The following PITPNM3 variants were observed in gnomAD, a reference collection of about 807,000 sequenced individuals.
PITPNM3 encodes the protein membrane-associated phosphatidylinositol transfer protein 3.
In PITPNM3, 26 loss-of-function variants were observed where a neutral mutation model predicts 102.0. That is an observed-to-expected ratio of 0.25 (90% CI 0.19 to 0.35). The LOEUF is 0.35. PITPNM3 is among the 10% of genes least tolerant of loss of function. PITPNM3 has a pLI of 1.00. For missense variants in PITPNM3, 1,083 were observed against 1,346.1 expected, an observed-to-expected ratio of 0.80 and a Z score of 3.06; for synonymous variants, 578 against 558.6, an observed-to-expected ratio of 1.03 and a Z score of -0.49.
At chr17:6,524,078 G>C (rs1170758397) in intron 3 of PITPNM3, among the ~76,000 whole-genome samples, 1 of 152,240 alleles carries the variant, frequency 6.6e-6, no homozygotes. Flanking sequence ...TTCTCAGGAT[G>C]AGTGCTTTGG....
intron 4 of PITPNM3, among the ~76,000 whole-genome samples, chr17:6,485,852 T>G (rs1168962034): frequency 2.6e-5 from 4 of 152,278 alleles, no homozygotes; most frequent in Non-Finnish European, 5.9e-5. Context: ...TGCCTGTTTT[T>G]GTAAATAAAG....
chr17:6,479,287 C>G (rs985815536), intron 6 of PITPNM3: 1 of 154,270 alleles, frequency 6.5e-6, no homozygotes, highest in Non-Finnish European at 1.4e-5. Context: ...AAGATCAGAG[C>G]TTTCATCAGC....
At chr17:6,476,200 A>C (rs1189904342) in intron 9 of PITPNM3, among the ~76,000 whole-genome samples, 1 of 152,204 alleles carries the variant, frequency 6.6e-6, no homozygotes, top group Non-Finnish European at 1.5e-5. Flanking sequence ...TGTAGAAGGA[A>C]ACAGTCTCTA....
chr17:6,490,071 C>T (rs1476824094), intron 4 of PITPNM3, among the ~76,000 whole-genome samples: 3 of 152,106 alleles, frequency 2.0e-5, no homozygotes, highest in Non-Finnish European at 2.9e-5. Flanking sequence ...CCTGGCCCTG[C>T]CTGGAAGTCA....
intron 2 of PITPNM3, among the ~76,000 whole-genome samples, chr17:6,530,996 G>A (rs1434497246): frequency 6.6e-6 from 1 of 152,144 alleles, no homozygotes; most frequent in African/African-American, 2.4e-5. Context: ...GAACCTCAGG[G>A]GAAGGGCTGG....
At chr17:6,497,154 C>A (rs547196268) in intron 4 of PITPNM3, among the ~76,000 whole-genome samples, 245 of 152,306 alleles carry the variant, frequency 1.6e-3, no homozygotes, top group Non-Finnish European at 2.6e-3. Flanking sequence ...GGAAAAGACA[C>A]CAGTTACCAG....
At chr17:6,486,311 C>T (rs1246199127) in intron 4 of PITPNM3, among the ~76,000 whole-genome samples, 1 of 152,148 alleles carries the variant, frequency 6.6e-6, no homozygotes, top group Non-Finnish European at 1.5e-5. Flanking sequence ...TGGTCCTTGC[C>T]TTCTTCACAC....
chr17:6,475,557 A>C (rs1354917822), intron 9 of PITPNM3, among the ~76,000 whole-genome samples: 7 of 151,962 alleles, frequency 4.6e-5, no homozygotes. Context: ...CAGTCTCCGC[A>C]CTCCCTCCTG....
rs879195140 is a variant in PITPNM3, at chr17:6,451,884, C to CG, written c.*3453_*3454insC. 49 of 78,628 alleles carry CG rather than the reference C, an allele frequency of 6.2e-4. 7 individuals are homozygous for CG. Among genetic ancestry groups the CG allele is most frequent in the African/African-American group, 2.8e-3 (47 of 16,826 alleles). The allele number at this position is 78,628 out of a possible 1,614,324, so 4.9% of individuals were successfully genotyped here. A position where few individuals can be genotyped will look rare whatever the true frequency, so the allele number is the denominator to read the frequency against. On this transcript the variant is annotated 3_prime_UTR_variant, in exon 20 of 20. Transcript: ENST00000262483. ...CACTTGGCACCCAAACCCCCCCCCC[C>CG]CGCCCGCCGATGGGATTCGGTGGGA...
rs1435728286 is a variant in PITPNM3 at position 6,478,310 on chromosome 17, C to T, written c.778-213G>A. Among the ~76,000 whole-genome samples the T allele has an allele frequency of 1.3e-5, 2 of 152,244 alleles. No homozygotes were observed. The highest frequency in any genetic ancestry group is 2.9e-5 in the Non-Finnish European group (2 of 68,040). ...CCAAGGACGGGGAGTAGGCTACTCTCAGGGGTCAGACTTGGGCTAGAGAGC... is the reference window on the plus strand; with the variant it reads ...CCAAGGACGGGGAGTAGGCTACTCTTAGGGGTCAGACTTGGGCTAGAGAGC... On this transcript the variant is annotated intron_variant, in intron 7 of 19. Coordinates refer to ENST00000262483, the MANE Select transcript of PITPNM3 (RefSeq NM_031220.4). The surrounding 1 kb of genome is among the most constrained non-coding windows in gnomAD (Gnocchi z 4.4).
At chr17:6,463,686 T>A in intron 17 of PITPNM3, 46 bp downstream of exon 17, 1 of 1,601,014 alleles carries the variant, frequency 6.2e-7, no homozygotes, top group African/African-American at 1.3e-5. Context: ...GGCTGCTGGC[T>A]CCTGCCCCCC....
intron 3 of PITPNM3, among the ~76,000 whole-genome samples, chr17:6,515,078 A>T (rs1908078270): frequency 6.6e-6 from 1 of 152,104 alleles, no homozygotes; most frequent in African/African-American, 2.4e-5. Flanking sequence ...GCTAATGGGT[A>T]TGGGGTTTCT....
At chr17:6,528,237 T>C (rs940845447) in intron 2 of PITPNM3, among the ~76,000 whole-genome samples, 2 of 152,186 alleles carry the variant, frequency 1.3e-5, no homozygotes, top group African/African-American at 2.4e-5. Flanking sequence ...CACGTATGCA[T>C]TGCCTTGCTC....
At chr17:6,498,676 T>A (rs966434042) in intron 4 of PITPNM3, among the ~76,000 whole-genome samples, 25 of 152,014 alleles carry the variant, frequency 1.6e-4, no homozygotes, top group African/African-American at 6.0e-4. Context: ...ATAGCACTGC[T>A]GGAGGTTGAA....
At chr17:6,491,507 A>G (rs1906481198) in intron 4 of PITPNM3, among the ~76,000 whole-genome samples, 3 of 152,138 alleles carry the variant, frequency 2.0e-5, no homozygotes, top group Non-Finnish European at 2.9e-5. Flanking sequence ...GCAAAGATGA[A>G]AGTGGATCGG....
Position 6,525,426 on chromosome 17 carries a change from C to G in PITPNM3, c.156G>C (p.Gly52=). The change falls in exon 3 of 20, where the codon GGG becomes GGC. Residue 52 remains glycine (G), a synonymous_variant. Transcript: ENST00000262483. ...GGTCATTGGAGTTCCACTGGCTCAT[C>G]CCAATGAGGATGGCATTCTTCCCTT... ...MAEGKNAILI[G]MSQWNSNDLV... 6.2e-7 allele frequency: 1 copy of G among 1,614,194 alleles called. No individual in the cohort carries two copies. The highest frequency in any genetic ancestry group is 1.1e-5 in the South Asian group (1 of 91,074).
Position 6,453,730 on chromosome 17 carries a change from C to A in PITPNM3, c.*1608G>T, listed in dbSNP as rs550055944. ...AGCGTCACTGGCTGCATGGGAGCCG[C>A]GAGAGGTAGACATTGAGCAGAAGCG... On this transcript the variant is annotated 3_prime_UTR_variant, in exon 20 of 20. Coordinates refer to ENST00000262483, the MANE Select transcript of PITPNM3 (RefSeq NM_031220.4). 3 of 152,332 alleles carry A rather than the reference C, an allele frequency of 2.0e-5. No individual in the cohort carries two copies. Among genetic ancestry groups the A allele is most frequent in the African/African-American group, 4.8e-5 (2 of 41,468 alleles). 9.4% of individuals were successfully genotyped at this position (152,332 alleles called of 1,614,324 possible).
In PITPNM3 at chr17:6,525,355, C is replaced by T; in HGVS notation, c.226+1G>A. On this transcript the variant is annotated splice_donor_variant, in intron 3 of 19. Coordinates refer to ENST00000262483, the MANE Select transcript of PITPNM3 (RefSeq NM_031220.4). LOFTEE classifies it high-confidence loss of function. ...TGGTCATGAGAGAAGCAGAGTCTCA[C>T]CTTGATGCTCGTCCAGTTTCCCCAT... The T allele has an allele frequency of 1.2e-6, 2 of 1,613,964 alleles. No homozygotes were observed. The highest frequency in any genetic ancestry group is 8.5e-7 in the Non-Finnish European group (1 of 1,179,794).
At chr17:6,502,314 A>G (rs951030210) in intron 4 of PITPNM3, among the ~76,000 whole-genome samples, 1 of 152,164 alleles carries the variant, frequency 6.6e-6, no homozygotes, top group East Asian at 1.9e-4. Flanking sequence ...TTACCCGGGC[A>G]TGGTGGCCGG....
Sources: allele counts gnomAD v4.1 joint callset (sites outside exome capture counted in the v4.1 genomes callset), GRCh38; gene constraint gnomAD v4.1.1; non-coding constraint Gnocchi (gnomAD v3.1); transcripts MANE v1.5; gene names NCBI Gene and HGNC (gene_info 2026-07-23, HGNC 2026-07-21).